GXYLT2: variants seen among roughly 807,000 people sequenced by gnomAD.
GXYLT2 encodes glucoside xylosyltransferase 2.
Under a neutral mutation model 45.8 loss-of-function variants are expected in GXYLT2, and 53 were observed. That is an observed-to-expected ratio of 1.16 (90% CI 0.93 to 1.46). GXYLT2 has a LOEUF of 1.46. Ranked by LOEUF, GXYLT2 falls within the 40% of genes most tolerant of loss-of-function variation. The pLI, the probability that GXYLT2 is intolerant of heterozygous loss-of-function variation, is 0.00. For synonymous variants in GXYLT2, 219 were observed against 214.2 expected (o/e 1.02, Z -0.19); for missense variants, 551 against 544.4 (o/e 1.01, Z -0.12).
At chr3:72,967,870 T>C (rs997048689) in intron 6 of GXYLT2, among the ~76,000 whole-genome samples, 151 bp downstream of exon 6, 3 of 152,356 alleles carry the variant, frequency 2.0e-5, no homozygotes, top group African/African-American at 7.2e-5. Flanking sequence ...TGTCACTATA[T>C]CCTCTTGCCA....
chr3:72,916,531 AGTTT>A (rs926777295), intron 2 of GXYLT2, among the ~76,000 whole-genome samples: 6 of 151,238 alleles, frequency 4.0e-5, no homozygotes, highest in Non-Finnish European at 8.8e-5. Context: ...GATGCAACTG[AGTTT>A]GTTTGTTTTT....
intron 2 of GXYLT2, among the ~76,000 whole-genome samples, chr3:72,911,956 GGTGT>G (rs371032663): frequency 1.2e-4 from 17 of 136,402 alleles, no homozygotes; most frequent in South Asian, 4.7e-4. Flanking sequence ...ATATAAGTTG[GGTGT>G]GTGTGTGTGT....
intron 3 of GXYLT2, among the ~76,000 whole-genome samples, chr3:72,924,223 ACT>A (rs1016786611): frequency 2.1e-5 from 3 of 144,896 alleles, no homozygotes; most frequent in African/African-American, 5.2e-5. Flanking sequence ...AGATAAGGTC[ACT>A]CTCTGTCGCC....
intron 3 of GXYLT2, among the ~76,000 whole-genome samples, chr3:72,933,799 G>T (rs549135966): frequency 5.7e-4 from 87 of 152,184 alleles, no homozygotes; most frequent in African/African-American, 2.0e-3. Flanking sequence ...AGCCTGGGGG[G>T]GCCGAGCTTG....
Position 72,901,288 on chromosome 3 carries a change from CAA to C in GXYLT2, c.276-7063_276-7062del, listed in dbSNP as rs35141445. Among the ~76,000 whole-genome samples the C allele has an allele frequency of 7.5e-3, 725 of 96,464 alleles. 8 individuals are homozygous for C. Among genetic ancestry groups the C allele is most frequent in the African/African-American group, 0.025 (648 of 25,722 alleles). 63.3% of individuals were successfully genotyped at this position (96,464 alleles called of 152,430 possible). A position where few individuals can be genotyped will look rare whatever the true frequency, so the allele number is the denominator to read the frequency against. The stretch of plus-strand genomic sequence containing the variant: ...TGGGTGACAGATCTAGACTCTGTCT[CAA>C]AAAAAAAAAAAAAAACAATTAGCTG... On this transcript the variant is annotated intron_variant, in intron 1 of 6. Coordinates refer to ENST00000389617, the MANE Select transcript of GXYLT2 (RefSeq NM_001080393.2).
chr3:72,947,302 T>G (rs1217370410), intron 3 of GXYLT2, among the ~76,000 whole-genome samples: 2 of 152,124 alleles, frequency 1.3e-5, no homozygotes, highest in African/African-American at 4.8e-5. Context: ...GGCTTTCTAT[T>G]AGGATTATTT....
chr3:72,895,869 CTT>C (rs1160868100), intron 1 of GXYLT2, among the ~76,000 whole-genome samples: 1 of 152,184 alleles, frequency 6.6e-6, no homozygotes, highest in Non-Finnish European at 1.5e-5. Flanking sequence ...TCCCCCATCT[CTT>C]TTAGCAACAT....
At chr3:72,919,492 C>T (rs549228112) in intron 2 of GXYLT2, among the ~76,000 whole-genome samples, 77 of 152,304 alleles carry the variant, frequency 5.1e-4, no homozygotes, top group South Asian at 3.9e-3. Context: ...CGGTGGCTCA[C>T]GCCTGTAATC....
At chr3:72,931,933 G>T (rs1441849491) in intron 3 of GXYLT2, among the ~76,000 whole-genome samples, 1 of 152,060 alleles carries the variant, frequency 6.6e-6, no homozygotes. Context: ...CTAAAATCAG[G>T]AAGGAAAGAG....
chr3:72,892,583 C>G (rs866291126), intron 1 of GXYLT2, among the ~76,000 whole-genome samples: 10 of 152,182 alleles, frequency 6.6e-5, no homozygotes, highest in Non-Finnish European at 1.0e-4. Flanking sequence ...ACTTGGCAGC[C>G]TCCCCAGCTG....
intron 4 of GXYLT2, among the ~76,000 whole-genome samples, chr3:72,956,066 G>C (rs1208072421): frequency 2.0e-5 from 3 of 152,146 alleles, no homozygotes; most frequent in Non-Finnish European, 4.4e-5. Flanking sequence ...GACAGAGACT[G>C]TGATTATTTG....
At chr3:72,889,908 T>G (rs1380515901) in intron 1 of GXYLT2, among the ~76,000 whole-genome samples, 488 of 60,098 alleles carry the variant, frequency 8.1e-3, no homozygotes, top group Non-Finnish European at 0.014. Context: ...TTTTTTTTTG[T>G]TTTTTTTTTT....
intron 3 of GXYLT2, among the ~76,000 whole-genome samples, chr3:72,945,061 T>C (rs893254215): frequency 4.0e-5 from 6 of 149,620 alleles, no homozygotes; most frequent in Non-Finnish European, 7.4e-5. Context: ...AAAGCGTATT[T>C]AAAATTATAG....
At chr3:72,910,849 G>A (rs192178450) in intron 2 of GXYLT2, among the ~76,000 whole-genome samples, 3 of 152,162 alleles carry the variant, frequency 2.0e-5, no homozygotes, top group African/African-American at 7.2e-5. Context: ...TGCTCTATGT[G>A]GCGGAACAAA....
chr3:72,943,901 C>G (rs1710349390), intron 3 of GXYLT2, among the ~76,000 whole-genome samples: 2 of 151,030 alleles, frequency 1.3e-5, no homozygotes. Flanking sequence ...CCAGGCTAGT[C>G]TCAAACTCCT....
At chr3:72,899,210 A>G (rs1461427624) in intron 1 of GXYLT2, among the ~76,000 whole-genome samples, 1 of 152,198 alleles carries the variant, frequency 6.6e-6, no homozygotes, top group Admixed American at 6.5e-5. Context: ...GTATACACAT[A>G]GCTGTAATTA....
chr3:72,967,663 G>A lies in GXYLT2; in HGVS notation c.1093G>A (p.Val365Ile), dbSNP rs367968771. Residue 365 changes from valine (V) to isoleucine (I), a missense_variant, in exon 6 of 7, where the codon GTC (valine) becomes ATC (isoleucine). By Grantham distance (29) the Val-to-Ile change is conservative (BLOSUM62 3). Coordinates refer to ENST00000389617, the MANE Select transcript of GXYLT2 (RefSeq NM_001080393.2). Reference protein sequence around the residue: ...GVSVLHGNRGVYHDDKQPTFR... With the variant: ...GVSVLHGNRGIYHDDKQPTFR... ...GTCTGTTCTGCATGGAAACCGAGGCGTCTACCATGACGATAAGCAACCAAC... is the reference window on the plus strand; with the variant it reads ...GTCTGTTCTGCATGGAAACCGAGGCATCTACCATGACGATAAGCAACCAAC... The A allele has an allele frequency of 1.5e-5, 24 of 1,613,838 alleles. No individual in the cohort carries two copies. The Middle Eastern group carries it at 4.9e-4, about 33-fold the overall frequency.
At chr3:72,891,664 CAA>C (rs1452469543) in intron 1 of GXYLT2, among the ~76,000 whole-genome samples, 1 of 151,990 alleles carries the variant, frequency 6.6e-6, no homozygotes. Context: ...GGCTGACTTC[CAA>C]AAAGAGTCTA....
chr3:72,931,949 A>G lies in GXYLT2; in HGVS notation c.600+9614A>G, dbSNP rs116256934. Among the ~76,000 whole-genome samples the G allele has an allele frequency of 6.2e-3, 952 of 152,342 alleles. 7 individuals carry two copies. Among genetic ancestry groups the G allele is most frequent in the African/African-American group, 0.021 (890 of 41,584 alleles). On this transcript the variant is annotated intron_variant, in intron 3 of 6. Transcript: ENST00000389617. ...TAAAATCAGGAAGGAAAGAGGGAAC[A>G]TAACTACCAACATTACCAAAATAAA...
Sources: allele counts gnomAD v4.1 joint callset (sites outside exome capture counted in the v4.1 genomes callset), GRCh38; gene constraint gnomAD v4.1.1; transcripts MANE v1.5; gene names NCBI Gene and HGNC (gene_info 2026-07-23, HGNC 2026-07-21).